The following TSC2 variants were observed in gnomAD, a reference collection of about 807,000 sequenced individuals.
TSC2 encodes tuberin.
In TSC2, 29 loss-of-function variants were observed where a neutral mutation model predicts 202.2. The observed-to-expected ratio is 0.14, with a 90% CI of 0.11 to 0.20. The LOEUF (loss-of-function observed/expected upper bound fraction) is 0.20. TSC2 is among the 10% of genes least tolerant of loss of function. The pLI is 1.00. For missense variants in TSC2, 2,429 were observed against 2,420.0 expected (o/e 1.00, Z -0.08); for synonymous variants, 1,349 against 1,044.0 (o/e 1.29, Z -5.63).
rs1210525921 is a variant in TSC2 at position 2,048,090 on chromosome 16, A to G, written c.-30+25A>G. 3 of 1,436,754 alleles carry G rather than the reference A, an allele frequency of 2.1e-6. No homozygotes were observed. In the Admixed American group the frequency reaches 8.3e-5, roughly 40 times the overall value. The allele number at this position is 1,436,754 out of a possible 1,614,324, so 89.0% of individuals were successfully genotyped here. A position where few individuals can be genotyped will look rare whatever the true frequency, so the allele number is the denominator to read the frequency against. On this transcript the variant is annotated intron_variant, in intron 1 of 41. Transcript: ENST00000219476. ...GGTAAGTGGCGGTCCCCACGGGGCA[A>G]GTGGCGGTCCCCACGGGGCAGCGGC...
chr16:2,074,603 A>G, intron 22 of TSC2: 3 of 625,360 alleles, frequency 4.8e-6, no homozygotes, highest in Non-Finnish European at 8.5e-6. Flanking sequence ...TGTCCATGTG[A>G]ACGCTCCTCC....
rs778800480 is a variant in TSC2, at chr16:2,074,405, G to A, written c.2545+16G>A. 3.7e-6 allele frequency: 6 copies of A among 1,607,354 alleles called. No individual in the cohort carries two copies. Among genetic ancestry groups the A allele is most frequent in the Non-Finnish European group, 4.2e-6 (5 of 1,179,984 alleles). On this transcript the variant is annotated intron_variant, in intron 22 of 41. Transcript: ENST00000219476. ...TTCCTGTCCAGTGAGTCCCCGCCCT[G>A]CCTGCGCATGCACCCGAGAGGTTCG...
Position 2,080,622 on chromosome 16 carries a change from C to T in TSC2, c.3610+245C>T, listed in dbSNP as rs551498162. On this transcript the variant is annotated intron_variant, in intron 30 of 41. Transcript: ENST00000219476. ...CCTCAGCCTCCCGAGTAGCTGGGAC[C>T]ACAGGCGCCCGCCACCACGCCTGGC... The T allele has an allele frequency of 4.4e-4, 232 of 527,184 alleles. No individual in the cohort carries two copies. In the Middle Eastern group the frequency reaches 5.3e-3, roughly 12 times the overall value. 32.7% of individuals were successfully genotyped at this position (527,184 alleles called of 1,614,324 possible).
At chr16:2,080,144 G>C in intron 29 of TSC2, 21 bp from the exon 30 acceptor site, 1 of 1,612,738 alleles carries the variant, frequency 6.2e-7, no homozygotes, top group Non-Finnish European at 8.5e-7. Context: ...GTGGTCACCA[G>C]TCCTCTGCCC....
In TSC2 at chr16:2,081,381, G is replaced by C. The variant is rs2090124405; in HGVS notation, c.3611-214G>C. On this transcript the variant is annotated intron_variant, in intron 30 of 41. Transcript: ENST00000219476. ...TGTGGGCTGGAGGCCGCTGCTCTGA[G>C]GTGCCTGGCGGAGCCTGGCCTCGAG... is the stretch of plus-strand genomic sequence containing the variant. 4 of 642,746 alleles carry C rather than the reference G, an allele frequency of 6.2e-6. No individual in the cohort carries two copies. The Admixed American group carries it at 9.7e-5, about 16-fold the overall frequency. The allele number at this position is 642,746 out of a possible 1,614,324, so 39.8% of individuals were successfully genotyped here.
In TSC2 at chr16:2,089,322, A is replaced by C. The variant is rs1290175680; in HGVS notation, c.*712A>C. 1.4e-5 allele frequency: 4 copies of C among 279,356 alleles called. No individual in the cohort carries two copies. The highest frequency in any genetic ancestry group is 6.6e-5 in the African/African-American group (3 of 45,718). The allele number at this position is 279,356 out of a possible 1,614,324, so 17.3% of individuals were successfully genotyped here. On this transcript the variant is annotated 3_prime_UTR_variant, in exon 42 of 42. Transcript: ENST00000219476. ...AGTGAGACGGTGCAGGGAGTACGGT[A>C]GGAACTGGAGAGGTAATAACTTAGG... is the stretch of plus-strand genomic sequence containing the variant.
intron 3 of TSC2, among the ~76,000 whole-genome samples, chr16:2,051,947 C>A (rs149985782): frequency 3.3e-4 from 50 of 152,262 alleles, no homozygotes; most frequent in African/African-American, 1.2e-3. Context: ...CACCTGTAAT[C>A]CCAGCTACTT....
chr16:2,059,010 C>G, intron 10 of TSC2, 137 bp downstream of exon 10: 5 of 1,383,504 alleles, frequency 3.6e-6, no homozygotes, highest in Non-Finnish European at 4.9e-6. Flanking sequence ...TGCTTTGCAG[C>G]TGGGGGTGAG....
intron 21 of TSC2, among the ~76,000 whole-genome samples, chr16:2,073,460 AC>A (rs1391494557): frequency 6.6e-6 from 1 of 152,200 alleles, no homozygotes; most frequent in Non-Finnish European, 1.5e-5. Context: ...GCCCTCCGGG[AC>A]GAGGAGCTGG....
intron 32 of TSC2, 31 bp downstream of exon 32, chr16:2,082,535 G>T (rs749359370): frequency 6.2e-7 from 1 of 1,606,280 alleles, no homozygotes; most frequent in South Asian, 1.1e-5. Context: ...GCGGTTGGCT[G>T]CAGAGCGCCA....
At chr16:2,059,257 A>G (rs1228632804) in intron 10 of TSC2, among the ~76,000 whole-genome samples, 3 of 149,442 alleles carry the variant, frequency 2.0e-5, no homozygotes, top group Non-Finnish European at 3.0e-5. Flanking sequence ...ACCTGAAGTG[A>G]TCCACCCATC....
rs876659800 is a variant in TSC2 at position 2,086,294 on chromosome 16, G to C, written c.4764G>C (p.Gln1588His). ...GGCTCATCGAGCTGAAGGACTGCCAGCCGGACAAGGTGTACCTGGGAGGCC... is the reference window on the plus strand; with the variant it reads ...GGCTCATCGAGCTGAAGGACTGCCACCCGGACAAGGTGTACCTGGGAGGCC... ...LGRLIELKDC[Q>H]PDKVYLGGLD... Residue 1588 changes from glutamine (Q) to histidine (H), a missense_variant, in exon 37 of 42, where the codon CAG becomes CAC. Transcript: ENST00000219476. The C allele has an allele frequency of 1.2e-6, 2 of 1,612,920 alleles. No individual in the cohort carries two copies. Among genetic ancestry groups the C allele is most frequent in the African/African-American group, 2.7e-5 (2 of 75,042 alleles).
intron 21 of TSC2, among the ~76,000 whole-genome samples, 199 bp downstream of exon 21, chr16:2,073,182 C>T (rs1451724541): frequency 6.6e-6 from 1 of 152,210 alleles, no homozygotes; most frequent in Non-Finnish European, 1.5e-5. Context: ...CTCTTTGGGG[C>T]CTGGGAGCCA....
chr16:2,064,172 A>G lies in TSC2; in HGVS notation c.1444-100A>G, dbSNP rs114861515. ...CAGCTGTGCTGAAGTCCCGAGGGAC[A>G]TGTCCGCTGCTTGCGGGTCGGTTCC... On this transcript the variant is annotated intron_variant, in intron 14 of 41. Coordinates refer to ENST00000219476, the MANE Select transcript of TSC2 (RefSeq NM_000548.5). 2,622 of 1,580,790 alleles carry G rather than the reference A, an allele frequency of 1.7e-3. 48 individuals are homozygous for G. In the African/African-American group the frequency reaches 0.032, roughly 19 times the overall value.
chr16:2,081,856 G>C, intron 31 of TSC2, 58 bp downstream of exon 31: 1 of 1,586,504 alleles, frequency 6.3e-7, no homozygotes, highest in South Asian at 1.1e-5. Flanking sequence ...GGTGCTCCCG[G>C]TGACGGCAAT....
At chr16:2,048,248 T>A in intron 1 of TSC2, 183 bp downstream of exon 1, 2 of 1,349,428 alleles carry the variant, frequency 1.5e-6, no homozygotes, top group Non-Finnish European at 2.1e-6. Context: ...TGCAGGCGGC[T>A]CCGTGACAGC....
At chr16:2,062,472 G>A (rs753801313) in intron 12 of TSC2, 25 bp from the exon 13 acceptor site, 1 of 1,589,962 alleles carries the variant, frequency 6.3e-7, no homozygotes, top group South Asian at 1.1e-5. Flanking sequence ...GGGCAGAGGG[G>A]CAACACCGGC....
chr16:2,071,602 C>T lies in TSC2; in HGVS notation c.1932C>T (p.Cys644=), dbSNP rs777665839. ...GAGTCGTGCGGTTCAGCCCCTACTGCGTCTGCGACTACATGTACGCGGGAC... is the reference window on the plus strand; with the variant it reads ...GAGTCGTGCGGTTCAGCCCCTACTGTGTCTGCGACTACATGTACGCGGGAC... ...KDGVVRFSPY[C]VCDYMEPERG... is the part of the protein sequence containing the mutation. Residue 644 remains cysteine, a synonymous_variant, in exon 18 of 42, where the codon TGC becomes TGT. Transcript: ENST00000219476. 8.7e-6 allele frequency: 14 copies of T among 1,613,314 alleles called. No individual in the cohort carries two copies. The highest frequency in any genetic ancestry group is 6.6e-5 in the South Asian group (6 of 91,090).
intron 15 of TSC2, chr16:2,064,737 C>T (rs1647655571): frequency 4.1e-6 from 2 of 484,846 alleles, no homozygotes; most frequent in Non-Finnish European, 7.6e-6. Context: ...CCTGCCCAGC[C>T]AACAGCTTTG....
Sources: allele counts gnomAD v4.1 joint callset (sites outside exome capture counted in the v4.1 genomes callset), GRCh38; gene constraint gnomAD v4.1.1; transcripts MANE v1.5; gene names NCBI Gene and HGNC (gene_info 2026-07-23, HGNC 2026-07-21).